LYRM4: variants seen among roughly 807,000 people sequenced by gnomAD.
LYRM4 encodes LYR motif-containing protein 4.
LYRM4 carries 9 observed loss-of-function variants against 11.7 expected under a neutral mutation model. The ratio of observed to expected loss-of-function variants is 0.77; its 90% CI spans 0.46 to 1.34. The LOEUF is 1.34. Ranked by LOEUF, LYRM4 falls within the 40% of genes most tolerant of loss-of-function variation. The pLI, the probability that LYRM4 is intolerant of heterozygous loss-of-function variation, is 0.00. For synonymous variants in LYRM4, 42 were observed against 40.4 expected (o/e 1.04, Z -0.15); for missense variants, 133 against 112.5 (o/e 1.18, Z -0.82).
chr6:5,124,673 G>A (rs1409092983), intron 2 of LYRM4, among the ~76,000 whole-genome samples: 1 of 152,176 alleles, frequency 6.6e-6, no homozygotes, highest in Non-Finnish European at 1.5e-5. Flanking sequence ...ACTTCATCCT[G>A]ACAGGGGCGG....
At chr6:5,131,911 T>C (rs535976321) in intron 2 of LYRM4, among the ~76,000 whole-genome samples, 4 of 152,352 alleles carry the variant, frequency 2.6e-5, no homozygotes, top group Admixed American at 2.6e-4. Flanking sequence ...GCAATCATTA[T>C]ATGCCTTGGC....
rs374738392 is a variant in LYRM4, at chr6:5,225,690, A to G, written c.87-8952T>C. Among the ~76,000 whole-genome samples, 41 of 152,326 alleles carry G rather than the reference A, an allele frequency of 2.7e-4. No individual in the cohort carries two copies. In the South Asian group the frequency reaches 7.7e-3, roughly 28 times the overall value. ...CAGCATTCTTGCTTACAGTAGCATC[A>G]CGTGCATGTCTATTTGTGGGATGTA... On this transcript the variant is annotated intron_variant, in intron 1 of 2. Coordinates refer to ENST00000330636, the MANE Select transcript of LYRM4 (RefSeq NM_020408.6).
At chr6:5,057,581 T>G in the LYRM4 span, among the ~76,000 whole-genome samples, 1 of 151,894 alleles carries the variant, frequency 6.6e-6, no homozygotes, top group African/African-American at 2.4e-5. Context: ...TAGCCAGGTA[T>G]GATGGCGCCT....
the LYRM4 span, among the ~76,000 whole-genome samples, chr6:5,092,678 A>T: frequency 2.0e-3 from 299 of 152,072 alleles, 1 homozygote; most frequent in Admixed American, 0.016. Flanking sequence ...AGATCGTGCC[A>T]CTGCGCTCTG....
the LYRM4 span, among the ~76,000 whole-genome samples, chr6:5,039,718 CT>C: frequency 6.6e-6 from 1 of 152,116 alleles, no homozygotes; most frequent in African/African-American, 2.4e-5. Flanking sequence ...ATAAGTCAAA[CT>C]CCCCACAGAG....
chr6:5,220,049 T>G (rs1161080590), intron 1 of LYRM4, among the ~76,000 whole-genome samples: 3 of 152,222 alleles, frequency 2.0e-5, no homozygotes, highest in Non-Finnish European at 4.4e-5. Context: ...CACAGGAGAC[T>G]CCCATTTGGC....
chr6:5,138,434 G>A (rs562888043), intron 2 of LYRM4, among the ~76,000 whole-genome samples: 273 of 125,208 alleles, frequency 2.2e-3, no homozygotes, highest in Non-Finnish European at 3.4e-3. Context: ...GCGGAGAGCC[G>A]TAATCATGCC....
At chr6:5,071,772 G>A in the LYRM4 span, among the ~76,000 whole-genome samples, 1 of 152,052 alleles carries the variant, frequency 6.6e-6, no homozygotes, top group African/African-American at 2.4e-5. Context: ...CCAGTAGATG[G>A]GATTACAGGC....
the LYRM4 span, chr6:5,086,778 TGACCTCAGTCTTCTC>T: frequency 1.7e-6 from 1 of 577,360 alleles, no homozygotes; most frequent in Non-Finnish European, 3.0e-6. Flanking sequence ...CGAAAGCCTC[TGACCTCAGTCTTCTC>T]GTCCGTTTGA....
chr6:5,139,155 G>A (rs1757272249), intron 2 of LYRM4, among the ~76,000 whole-genome samples: 1 of 152,208 alleles, frequency 6.6e-6, no homozygotes, highest in Non-Finnish European at 1.5e-5. Context: ...GGCCTGGAGA[G>A]CATAAGTAGC....
At chr6:5,170,030 G>A (rs1247466413) in intron 2 of LYRM4, among the ~76,000 whole-genome samples, 2 of 152,220 alleles carry the variant, frequency 1.3e-5, no homozygotes, top group African/African-American at 4.8e-5. Flanking sequence ...AAGTGTCAGG[G>A]ATTTGGTAAT....
chr6:5,107,360 G>A (rs940863225), downstream of LYRM4: 4 of 152,194 alleles, frequency 2.6e-5, no homozygotes, highest in South Asian at 6.2e-4. Flanking sequence ...CAGCACGGAG[G>A]TTCAAATCTG....
At chr6:5,153,459 C>G (rs6597116) in intron 2 of LYRM4, among the ~76,000 whole-genome samples, 26 of 152,044 alleles carry the variant, frequency 1.7e-4, no homozygotes, top group Non-Finnish European at 3.8e-4. Context: ...GCCTGCCCAG[C>G]TGGGCAGAGA....
chr6:5,121,208 T>G (rs567931659), intron 2 of LYRM4, among the ~76,000 whole-genome samples: 1 of 152,276 alleles, frequency 6.6e-6, no homozygotes, highest in African/African-American at 2.4e-5. Context: ...CATAGGGCCA[T>G]GGACTACAAA....
chr6:5,108,838 C>G lies in LYRM4; in HGVS notation c.*585G>C, dbSNP rs1762750477. 3 of 986,326 alleles carry G rather than the reference C, an allele frequency of 3.0e-6. No individual in the cohort carries two copies. In the South Asian group the frequency reaches 1.4e-4, roughly 46 times the overall value. 61.1% of individuals were successfully genotyped at this position (986,326 alleles called of 1,614,324 possible). On this transcript the variant is annotated 3_prime_UTR_variant, in exon 3 of 3. Transcript: ENST00000330636. Reference sequence around the variant, plus strand: ...TGGGTGTGTACCTACACACCCGTCACCTTTGTTGTACTGGGCTCAGGTATA... The same window carrying G: ...TGGGTGTGTACCTACACACCCGTCAGCTTTGTTGTACTGGGCTCAGGTATA...
the LYRM4 span, among the ~76,000 whole-genome samples, chr6:5,082,802 A>G: frequency 6.6e-6 from 1 of 152,150 alleles, no homozygotes; most frequent in Non-Finnish European, 1.5e-5. Flanking sequence ...CAGCTCCGCC[A>G]GTTCCTCTGT....
intron 2 of LYRM4, among the ~76,000 whole-genome samples, chr6:5,197,163 C>T (rs1561863781): frequency 2.0e-5 from 3 of 152,136 alleles, no homozygotes; most frequent in African/African-American, 2.4e-5. Flanking sequence ...GAATATCTAA[C>T]AGAACCTCAA....
At chr6:5,143,644 A>G (rs1316195127) in intron 2 of LYRM4, among the ~76,000 whole-genome samples, 1 of 152,202 alleles carries the variant, frequency 6.6e-6, no homozygotes, top group Non-Finnish European at 1.5e-5. Context: ...GTCCTGCCAG[A>G]ATTTTAAGGA....
chr6:5,164,487 G>A (rs1230058396), intron 2 of LYRM4, among the ~76,000 whole-genome samples: 1 of 152,110 alleles, frequency 6.6e-6, no homozygotes, highest in Non-Finnish European at 1.5e-5. Context: ...TATAAAGACA[G>A]CACCACTGTA....
Sources: allele counts gnomAD v4.1 joint callset (sites outside exome capture counted in the v4.1 genomes callset), GRCh38; gene constraint gnomAD v4.1.1; transcripts MANE v1.5; gene names NCBI Gene and HGNC (gene_info 2026-07-23, HGNC 2026-07-21).